PANK1: variants seen among roughly 807,000 people sequenced by gnomAD.
The protein encoded by PANK1 is pantothenic acid kinase 1.
In PANK1, 18 loss-of-function variants were observed where a neutral mutation model predicts 40.1. The ratio of observed to expected loss-of-function variants is 0.45; its 90% CI spans 0.31 to 0.67. PANK1 has a LOEUF of 0.67. PANK1 is among the 30% of genes least tolerant of loss of function. The pLI, the probability that PANK1 is intolerant of heterozygous loss-of-function variation, is 0.06. For synonymous variants in PANK1, 242 were observed against 237.7 expected (o/e 1.02, Z -0.17); for missense variants, 457 against 599.6 (o/e 0.76, Z 2.48).
intron 1 of PANK1, chr10:89,643,946 G>GA (rs909228829): frequency 4.3e-3 from 4,726 of 1,088,580 alleles, no homozygotes; most frequent in South Asian, 7.0e-3. Flanking sequence ...CCCCTTCGTT[G>GA]AAAAAAAAAA....
chr10:89,606,239 G>T (rs570143189), intron 2 of PANK1, among the ~76,000 whole-genome samples: 21 of 152,192 alleles, frequency 1.4e-4, no homozygotes, highest in Non-Finnish European at 1.9e-4. Context: ...CTTAACAAGA[G>T]AGTTACCCTG....
chr10:89,616,698 G>A (rs542785807), intron 1 of PANK1, among the ~76,000 whole-genome samples: 10 of 152,208 alleles, frequency 6.6e-5, no homozygotes, highest in East Asian at 5.8e-4. Context: ...CCAGGCAGGC[G>A]GATTTTGATG....
In PANK1 at chr10:89,644,772, G is replaced by A; in HGVS notation, c.120C>T (p.Val40=). 6.7e-7 allele frequency: 1 copy of A among 1,501,448 alleles called. No individual in the cohort carries two copies. Among genetic ancestry groups the A allele is most frequent in the African/African-American group, 1.5e-5 (1 of 68,840 alleles). The allele number at this position is 1,501,448 out of a possible 1,614,324, so 93.0% of individuals were successfully genotyped here. ...CCCGGCTGCAGACGTGCGGCGGCTG[G>A]ACTGGCGGCGGATGGAAGCCGTTGT... ...LLHNGFHPPP[V]QPPHVCSRGP... Residue 40 remains valine, a synonymous_variant, in exon 1 of 7, where the codon GTC becomes GTT. Coordinates refer to ENST00000307534, the MANE Select transcript of PANK1 (RefSeq NM_148977.3).
intron 1 of PANK1, among the ~76,000 whole-genome samples, chr10:89,636,474 T>G (rs956479159): frequency 1.3e-5 from 2 of 151,894 alleles, no homozygotes; most frequent in African/African-American, 4.8e-5. Flanking sequence ...TTTTTTGAGA[T>G]GGAGTCTTAC....
rs1224666343 is a variant in PANK1, at chr10:89,584,193, GAA to G, written c.*211_*212del. The G allele has an allele frequency of 2.1e-6, 1 of 487,238 alleles. No individual in the cohort carries two copies. 30.2% of individuals were successfully genotyped at this position (487,238 alleles called of 1,614,324 possible). A position where few individuals can be genotyped will look rare whatever the true frequency, so the allele number is the denominator to read the frequency against. On this transcript the variant is annotated 3_prime_UTR_variant, in exon 7 of 7. Transcript: ENST00000307534. Reference sequence around the variant, plus strand: ...TTTTTTTAAAAAAATACAGTATACAGAAAAAAAACCTTTTATATTCCCCCGTT... The same window carrying G: ...TTTTTTTAAAAAAATACAGTATACAGAAAAAACCTTTTATATTCCCCCGTT...
intron 3 of PANK1, among the ~76,000 whole-genome samples, chr10:89,597,922 A>C (rs1564621140): frequency 6.6e-6 from 1 of 152,238 alleles, no homozygotes; most frequent in Non-Finnish European, 1.5e-5. Context: ...TCTCAATGAG[A>C]AAATGTATAC....
intron 1 of PANK1, among the ~76,000 whole-genome samples, chr10:89,619,704 AG>A (rs1200753571): frequency 1.3e-5 from 2 of 152,236 alleles, no homozygotes; most frequent in African/African-American, 4.8e-5. Flanking sequence ...AATTCTCTCA[AG>A]GTTCTACCAA....
At chr10:89,644,574 C>A (rs759927239) in intron 1 of PANK1, 26 bp downstream of exon 1, 3 of 1,571,034 alleles carry the variant, frequency 1.9e-6, no homozygotes, top group East Asian at 2.4e-5. Context: ...GCCTTGCGCC[C>A]GCGCTCCCCT....
In PANK1 at chr10:89,645,061, T is replaced by C; in HGVS notation, c.-170A>G. 1 of 1,556,662 alleles carries C rather than the reference T, an allele frequency of 6.4e-7. No homozygotes were observed. Among genetic ancestry groups the C allele is most frequent in the Non-Finnish European group, 8.6e-7 (1 of 1,156,822 alleles). On this transcript the variant is annotated 5_prime_UTR_variant, in exon 1 of 7. Transcript: ENST00000307534. ...GCGCTCCTCCCCTCCTCCTGCCGAC[T>C]CCCCCACCTCCTCTGCGCCCTGCCC...
Position 89,603,269 on chromosome 10 carries a change from G to T in PANK1, c.646-3764C>A, listed in dbSNP as rs928596003. ...GTGATGTCAATAAACACATAATTGG[G>T]AAGAGATGCATACATGGACTCTTTT... On this transcript the variant is annotated intron_variant, in intron 2 of 6. Transcript: ENST00000307534. 5.6e-4 allele frequency among the ~76,000 whole-genome samples: 85 copies of T among 152,138 alleles called. 1 individual carries two copies. Among genetic ancestry groups the T allele is most frequent in the African/African-American group, 1.9e-3 (77 of 41,424 alleles).
rs1258804777 is a variant in PANK1, at chr10:89,599,402, T to C, written c.749A>G (p.Tyr250Cys). ...VGFNGKPECY[Y>C]FENPTNPELC... Reference sequence around the variant, plus strand: ...TTCAGGATTTGTGGGATTTTCAAAATAGTAACATTCTGGCTTGCCGTTGAA... The same window carrying C: ...TTCAGGATTTGTGGGATTTTCAAAACAGTAACATTCTGGCTTGCCGTTGAA... The change falls in exon 3 of 7, where the codon TAT becomes TGT. Residue 250 changes from tyrosine (Y) to cysteine (C), a missense_variant. Tyr to Cys is a radical substitution (Grantham distance 194, BLOSUM62 -2). Around this residue, in one of 4 missense-constraint regions of PANK1, gnomAD observed 286 missense variants for 415.8 expected, o/e 0.69. Transcript: ENST00000307534. 1 of 1,614,112 alleles carries C rather than the reference T, an allele frequency of 6.2e-7. No homozygotes were observed. The highest frequency in any genetic ancestry group is 1.3e-5 in the African/African-American group (1 of 75,038).
chr10:89,595,392 A>T (rs1844531241), intron 3 of PANK1, among the ~76,000 whole-genome samples: 1 of 152,216 alleles, frequency 6.6e-6, no homozygotes, highest in African/African-American at 2.4e-5. Flanking sequence ...TGGAGGTTGC[A>T]GTGAGCCGGG....
intron 2 of PANK1, among the ~76,000 whole-genome samples, chr10:89,609,287 C>T (rs1274655747): frequency 6.6e-6 from 1 of 152,156 alleles, no homozygotes; most frequent in Non-Finnish European, 1.5e-5. Context: ...CTGGTTCAAA[C>T]CCCTGGCCTC....
chr10:89,616,469 C>T (rs1308611837), intron 1 of PANK1, among the ~76,000 whole-genome samples: 1 of 152,162 alleles, frequency 6.6e-6, no homozygotes, highest in Non-Finnish European at 1.5e-5. Flanking sequence ...TTATATGCCT[C>T]AAAAGGCATT....
chr10:89,608,417 G>A (rs1417177490), intron 2 of PANK1, among the ~76,000 whole-genome samples: 1 of 152,082 alleles, frequency 6.6e-6, no homozygotes, highest in Non-Finnish European at 1.5e-5. Context: ...AGAAAAAGGA[G>A]GAACAAAGTG....
At chr10:89,633,922 C>G (rs778812601) in intron 1 of PANK1, among the ~76,000 whole-genome samples, 7 of 152,174 alleles carry the variant, frequency 4.6e-5, no homozygotes, top group Non-Finnish European at 1.0e-4. Flanking sequence ...ACAACCTGCA[C>G]TGGGTCACAT....
chr10:89,587,828 T>C (rs1251485692), intron 6 of PANK1, among the ~76,000 whole-genome samples: 1 of 152,208 alleles, frequency 6.6e-6, no homozygotes, highest in African/African-American at 2.4e-5. Flanking sequence ...CTTATAATCG[T>C]ATATATTTAT....
At chr10:89,622,982 T>C (rs1845540515) in intron 1 of PANK1, among the ~76,000 whole-genome samples, 1 of 152,210 alleles carries the variant, frequency 6.6e-6, no homozygotes, top group African/African-American at 2.4e-5. Flanking sequence ...AAAATCACTT[T>C]GTAGGACATC....
intron 1 of PANK1, among the ~76,000 whole-genome samples, chr10:89,620,473 C>T (rs953714954): frequency 1.3e-5 from 2 of 152,218 alleles, no homozygotes; most frequent in East Asian, 1.9e-4. Flanking sequence ...TCTCCTGCAG[C>T]GCCCTCAGGC....
Sources: allele counts gnomAD v4.1 joint callset (sites outside exome capture counted in the v4.1 genomes callset), GRCh38; gene constraint gnomAD v4.1.1; regional missense constraint gnomAD v4.1.1; transcripts MANE v1.5; gene names NCBI Gene and HGNC (gene_info 2026-07-23, HGNC 2026-07-21).